Variants in BRINP3 observed in about 807,000 individuals in gnomAD.
BRINP3 encodes the protein BMP/retinoic acid-inducible neural-specific protein 3.
BRINP3 carries 19 observed loss-of-function variants against 71.0 expected under a neutral mutation model. The observed-to-expected ratio is 0.27, with a 90% CI of 0.19 to 0.39. The LOEUF (loss-of-function observed/expected upper bound fraction) is 0.39, where lower values mean the gene tolerates loss of function less well. Ranked by LOEUF, BRINP3 falls within the 10% of genes least tolerant of loss-of-function variation. The pLI is 1.00. For synonymous variants in BRINP3, 380 were observed against 337.7 expected, an observed-to-expected ratio of 1.13 and a Z score of -1.37; for missense variants, 959 against 940.8, an observed-to-expected ratio of 1.02 and a Z score of -0.25.
At chr1:190,448,232 T>G (rs2102596686) in intron 2 of BRINP3, among the ~76,000 whole-genome samples, 1 of 151,814 alleles carries the variant, frequency 6.6e-6, no homozygotes, top group African/African-American at 2.4e-5. Flanking sequence ...TATCTAGTTT[T>G]AAATTTGCAT....
In BRINP3 at chr1:190,226,311, T is replaced by C; in HGVS notation, c.732A>G (p.Gln244=). The change falls in exon 6 of 8, where the codon CAA becomes CAG. Residue 244 remains glutamine (Q), a synonymous_variant. Transcript: ENST00000367462. Reference sequence around the variant, plus strand: ...CCTGAAGATAGTCTGGGAGAAGTACTTGAAGCCCTTGAAGAACAAACAAAG... The same window carrying C: ...CCTGAAGATAGTCTGGGAGAAGTACCTGAAGCCCTTGAAGAACAAACAAAG... ...PENKIQLQGL[Q]VLLPDYLQER... The C allele has an allele frequency of 6.5e-7, 1 of 1,539,010 alleles. No individual in the cohort carries two copies. The highest frequency in any genetic ancestry group is 8.8e-7 in the Non-Finnish European group (1 of 1,141,676).
At chr1:190,126,824 G>GT in intron 7 of BRINP3, among the ~76,000 whole-genome samples, 1 of 151,848 alleles carries the variant, frequency 6.6e-6, no homozygotes, top group Non-Finnish European at 1.5e-5. Flanking sequence ...TCTCCTTGCA[G>GT]TTTTTTTGAA....
intron 2 of BRINP3, among the ~76,000 whole-genome samples, chr1:190,324,341 G>C (rs1666442874): frequency 6.6e-6 from 1 of 151,762 alleles, no homozygotes; most frequent in African/African-American, 2.4e-5. Context: ...GATCACACAT[G>C]CCTGTCTCCA....
At chr1:190,424,436 G>C (rs1177760986) in intron 2 of BRINP3, among the ~76,000 whole-genome samples, 1 of 151,586 alleles carries the variant, frequency 6.6e-6, no homozygotes, top group Non-Finnish European at 1.5e-5. Flanking sequence ...TGTACAAAGG[G>C]AAATACAGTG....
Position 190,098,282 on chromosome 1 carries a change from T to C in BRINP3, c.2037A>G (p.Ala679=). ...CCAGCTGCAAAATCAGGTCCCGAAT[T>C]GCTTCAGGGTCAAAGTGCATGCTGT... ...FGYSMHFDPE[A]IRDLILQLDY... Residue 679 remains alanine, a synonymous_variant, in exon 8 of 8, where the codon GCA becomes GCG. Transcript: ENST00000367462. 6.2e-7 allele frequency: 1 copy of C among 1,614,150 alleles called. No individual in the cohort carries two copies. The highest frequency in any genetic ancestry group is 8.5e-7 in the Non-Finnish European group (1 of 1,180,018).
chr1:190,131,562 C>T (rs1250861291), intron 7 of BRINP3, among the ~76,000 whole-genome samples: 2 of 151,958 alleles, frequency 1.3e-5, no homozygotes, highest in Admixed American at 6.6e-5. Flanking sequence ...TATTTATGCC[C>T]GTCTTCTGTG....
rs1675880094 is a variant in BRINP3 at position 190,454,784 on chromosome 1, G to A, written c.107C>T (p.Ser36Leu). The stretch of plus-strand genomic sequence containing the variant: ...GAAGGGGCTTGTGGCATGCTGATCC[G>A]AAACAGCAGCAACCGCTAAAACCCA... ...HCWVLAVAAV[S>L]DQHATSPFDW... is the part of the protein sequence containing the mutation. Residue 36 changes from serine to leucine, a missense_variant, in exon 2 of 8, where the codon TCG becomes TTG. Physicochemically the swap from Ser to Leu is moderately radical, Grantham distance 145. Coordinates refer to ENST00000367462, the MANE Select transcript of BRINP3 (RefSeq NM_199051.3). 2 of 1,614,018 alleles carry A rather than the reference G, an allele frequency of 1.2e-6. No homozygotes were observed. The highest frequency in any genetic ancestry group is 1.1e-5 in the South Asian group (1 of 91,086).
rs1025248809 is a variant in BRINP3, at chr1:190,475,921, C to A, written c.-51+1527G>T. 2.0e-5 allele frequency: 3 copies of A among 152,238 alleles called. No individual in the cohort carries two copies. In the East Asian group the frequency reaches 5.8e-4, roughly 29 times the overall value. 9.4% of individuals were successfully genotyped at this position (152,238 alleles called of 1,614,324 possible). A position where few individuals can be genotyped will look rare whatever the true frequency, so the allele number is the denominator to read the frequency against. Reference sequence around the variant, plus strand: ...AATGTTTGAATTGAATTATATGAAGCCCTCCTTTCTTCAAATGAAGTCACG... The same window carrying A: ...AATGTTTGAATTGAATTATATGAAGACCTCCTTTCTTCAAATGAAGTCACG... On this transcript the variant is annotated intron_variant, in intron 1 of 7. Coordinates refer to ENST00000367462, the MANE Select transcript of BRINP3 (RefSeq NM_199051.3).
chr1:190,311,488 C>CA (rs902522346), intron 2 of BRINP3, among the ~76,000 whole-genome samples: 19 of 149,080 alleles, frequency 1.3e-4, no homozygotes, highest in Non-Finnish European at 2.1e-4. Flanking sequence ...CGTTAGTAGC[C>CA]AAAAAAAAGT....
intron 6 of BRINP3, among the ~76,000 whole-genome samples, chr1:190,171,121 T>G (rs893627711): frequency 1.4e-4 from 21 of 152,126 alleles, no homozygotes; most frequent in African/African-American, 4.6e-4. Context: ...TGGTGAGAGA[T>G]AATCTCAGAG....
At chr1:190,104,336 AG>A (rs1327687895) in intron 7 of BRINP3, among the ~76,000 whole-genome samples, 2 of 152,092 alleles carry the variant, frequency 1.3e-5, no homozygotes, top group African/African-American at 4.8e-5. Flanking sequence ...AATTAAATAT[AG>A]GGTTGTGCTA....
At chr1:190,152,875 T>C (rs1375265459) in intron 7 of BRINP3, among the ~76,000 whole-genome samples, 2 of 152,138 alleles carry the variant, frequency 1.3e-5, no homozygotes, top group African/African-American at 4.8e-5. Flanking sequence ...TTTTTATACA[T>C]ACACATAATA....
chr1:190,154,155 A>G (rs190999002), intron 7 of BRINP3: 1 of 731,048 alleles, frequency 1.4e-6, no homozygotes, highest in Non-Finnish European at 1.7e-6. Flanking sequence ...TTCTTCCCTT[A>G]AGAACCAATT....
chr1:190,280,412 T>A (rs1396383502), intron 3 of BRINP3, among the ~76,000 whole-genome samples: 1 of 151,732 alleles, frequency 6.6e-6, no homozygotes, highest in Non-Finnish European at 1.5e-5. Context: ...TATGAACTGA[T>A]CCAAGATTTT....
rs1480139518 is a variant in BRINP3, at chr1:190,160,825, G to A, written c.1027C>T (p.His343Tyr). The A allele has an allele frequency of 6.2e-7, 1 of 1,613,466 alleles. No individual in the cohort carries two copies. The highest frequency in any genetic ancestry group is 8.5e-7 in the Non-Finnish European group (1 of 1,179,622). Residue 343 changes from histidine to tyrosine, a missense_variant, in exon 7 of 8, where the codon CAT becomes TAT. Physicochemically the swap from His to Tyr is moderately conservative, Grantham distance 83. Transcript: ENST00000367462. Reference sequence around the variant, plus strand: ...AAATTAGAATCCATTGTCCACAAATGCATTATAGTAGATGTGTTGAGGAAA... The same window carrying A: ...AAATTAGAATCCATTGTCCACAAATACATTATAGTAGATGTGTTGAGGAAA... ...NYFLNTSTIM[H>Y]LWTMDSNFQR...
intron 2 of BRINP3, among the ~76,000 whole-genome samples, chr1:190,401,997 A>G (rs1671959578): frequency 6.6e-6 from 1 of 151,960 alleles, no homozygotes; most frequent in African/African-American, 2.4e-5. Flanking sequence ...ACAACTATAT[A>G]TATATTTCAT....
intron 2 of BRINP3, among the ~76,000 whole-genome samples, chr1:190,336,226 A>T (rs1219802443): frequency 6.6e-6 from 1 of 152,060 alleles, no homozygotes; most frequent in African/African-American, 2.4e-5. Flanking sequence ...CTATTTAACA[A>T]TATAATTGCA....
At chr1:190,142,465 G>A (rs909838768) in intron 7 of BRINP3, among the ~76,000 whole-genome samples, 11 of 152,082 alleles carry the variant, frequency 7.2e-5, no homozygotes, top group African/African-American at 2.7e-4. Context: ...GCTGGCATTG[G>A]AAATGATAAG....
intron 6 of BRINP3, among the ~76,000 whole-genome samples, chr1:190,219,786 C>A (rs1473081994): frequency 6.6e-6 from 1 of 151,024 alleles, no homozygotes; most frequent in Middle Eastern, 3.2e-3. Context: ...TTCAGTGAGC[C>A]AAGATCTCAC....
Sources: gnomAD v4.1 joint callset for allele counts (sites outside exome capture counted in the v4.1 genomes callset) on GRCh38, gnomAD v4.1.1 for gene constraint, MANE v1.5 for transcripts, NCBI Gene and HGNC (gene_info 2026-07-23, HGNC 2026-07-21) for gene names.